Variants in PYHIN1 observed in about 807,000 individuals in gnomAD.
PYHIN1 encodes pyrin and HIN domain-containing protein 1.
PYHIN1 carries 32 observed loss-of-function variants against 43.7 expected under a neutral mutation model. The ratio of observed to expected loss-of-function variants is 0.73; its 90% confidence interval spans 0.55 to 0.98. The LOEUF (loss-of-function observed/expected upper bound fraction) is 0.98. PYHIN1 is among the 50% of genes least tolerant of loss of function. The probability of loss-of-function intolerance (pLI) is 0.00; values close to 1 mark genes in which losing one functional copy is unlikely to be tolerated. For synonymous variants in PYHIN1, 205 were observed against 203.1 expected, an observed-to-expected ratio of 1.01 and a Z score of -0.08; for missense variants, 588 against 589.5, an observed-to-expected ratio of 1.00 and a Z score of 0.03.
downstream of PYHIN1, among the ~76,000 whole-genome samples, chr1:158,979,120 C>A (rs564687819): frequency 3.3e-5 from 5 of 152,274 alleles, no homozygotes; most frequent in Non-Finnish European, 5.9e-5. Flanking sequence ...TTCTCTAAAA[C>A]CACATAGTGA....
intron 7 of PYHIN1, among the ~76,000 whole-genome samples, chr1:158,970,223 A>T (rs1430750289): frequency 6.6e-6 from 1 of 152,036 alleles, no homozygotes; most frequent in Non-Finnish European, 1.5e-5. Context: ...ATTCAACCAA[A>T]GCTAAGATCT....
At chr1:158,986,022 TA>T in the PYHIN1 span, among the ~76,000 whole-genome samples, 8 of 152,312 alleles carry the variant, frequency 5.3e-5, no homozygotes, top group African/African-American at 1.7e-4. Flanking sequence ...GGTTCTTTCT[TA>T]AAATGGCTAT....
At chr1:158,944,013 A>T (rs1428531199) in intron 6 of PYHIN1, 35 bp downstream of exon 6, 1 of 1,523,312 alleles carries the variant, frequency 6.6e-7, no homozygotes, top group Non-Finnish European at 8.9e-7. Flanking sequence ...AGTTTTCCAA[A>T]GATGAAAATC....
chr1:158,966,303 A>T (rs946030203), intron 7 of PYHIN1, among the ~76,000 whole-genome samples: 4 of 152,176 alleles, frequency 2.6e-5, no homozygotes, highest in African/African-American at 9.6e-5. Context: ...ATGCATAAAG[A>T]TGAGCTGGTA....
chr1:158,973,541 A>T, intron 7 of PYHIN1, 106 bp from the exon 8 acceptor site: 2 of 1,145,898 alleles, frequency 1.7e-6, no homozygotes, highest in Non-Finnish European at 2.6e-6. Flanking sequence ...ACACACATAT[A>T]CACACATGTA....
intron 1 of PYHIN1, among the ~76,000 whole-genome samples, 161 bp downstream of exon 1, chr1:158,931,937 T>G (rs988701513): frequency 5.9e-5 from 9 of 152,180 alleles, no homozygotes; most frequent in African/African-American, 2.2e-4. Context: ...CAGTTAATAC[T>G]TCCAATTCTT....
At chr1:158,958,050 A>T (rs1256632327) in intron 7 of PYHIN1, among the ~76,000 whole-genome samples, 1 of 152,240 alleles carries the variant, frequency 6.6e-6, no homozygotes, top group Admixed American at 6.5e-5. Context: ...TCTAAACCAC[A>T]ATGAGATACC....
At chr1:158,941,855 C>A in intron 4 of PYHIN1, 122 bp from the exon 5 acceptor site, 1 of 829,322 alleles carries the variant, frequency 1.2e-6, no homozygotes, top group Non-Finnish European at 1.8e-6. Context: ...TGTATCCTGG[C>A]CCCAGCTCTA....
the PYHIN1 span, among the ~76,000 whole-genome samples, chr1:158,983,587 T>G: frequency 6.6e-6 from 1 of 152,146 alleles, no homozygotes; most frequent in African/African-American, 2.4e-5. Flanking sequence ...TCAGGCATAT[T>G]GTCCTGAATT....
chr1:158,982,869 T>G, the PYHIN1 span, among the ~76,000 whole-genome samples: 1 of 152,132 alleles, frequency 6.6e-6, no homozygotes, highest in East Asian at 1.9e-4. Flanking sequence ...CCAGGTTAGC[T>G]GTATTCCTAT....
chr1:158,941,139 C>T (rs1255044736), intron 4 of PYHIN1, among the ~76,000 whole-genome samples: 1 of 152,160 alleles, frequency 6.6e-6, no homozygotes, highest in Non-Finnish European at 1.5e-5. Context: ...TATGGTATTC[C>T]AGATCAGACC....
intron 7 of PYHIN1, among the ~76,000 whole-genome samples, chr1:158,947,666 A>C (rs1000438624): frequency 6.6e-6 from 1 of 152,232 alleles, no homozygotes; most frequent in Non-Finnish European, 1.5e-5. Flanking sequence ...ACAGACACCA[A>C]AGAAGGTGCT....
intron 7 of PYHIN1, among the ~76,000 whole-genome samples, chr1:158,958,421 C>T (rs552737199): frequency 2.1e-5 from 3 of 144,372 alleles, no homozygotes; most frequent in Non-Finnish European, 4.5e-5. Context: ...GAATACTATG[C>T]AGCCATAAAA....
intron 7 of PYHIN1, among the ~76,000 whole-genome samples, chr1:158,947,836 G>C (rs1236346053): frequency 1.3e-5 from 2 of 152,222 alleles, no homozygotes; most frequent in Non-Finnish European, 2.9e-5. Flanking sequence ...TTGATCAAAG[G>C]TTGGTCTTAA....
Position 158,939,175 on chromosome 1 carries a change from G to A in PYHIN1, c.507G>A (p.Thr169=), listed in dbSNP as rs540244117. The A allele has an allele frequency of 3.3e-5, 53 of 1,613,896 alleles. No homozygotes were observed. Among genetic ancestry groups the A allele is most frequent in the African/African-American group, 2.8e-4 (21 of 74,996 alleles). Residue 169 remains threonine, a synonymous_variant, in exon 4 of 9, where the codon ACG becomes ACA. Transcript: ENST00000368140. The part of the protein sequence containing the change: ...TRPSCSAGAS[T]STAMGRSPPP... ...CTTCCTGCTCTGCAGGAGCCAGCAC[G>A]TCCACAGCCATGGGCCGTTCCCCAC...
chr1:158,958,013 C>T (rs1650063839), intron 7 of PYHIN1, among the ~76,000 whole-genome samples: 1 of 152,212 alleles, frequency 6.6e-6, no homozygotes. Flanking sequence ...AAATGCTCAT[C>T]ATCACTGGCC....
intron 7 of PYHIN1, among the ~76,000 whole-genome samples, chr1:158,958,320 G>A (rs1102012): frequency 0.79 from 104,284 of 131,862 alleles, 42,130 homozygotes; most frequent in East Asian, 0.98. Flanking sequence ...TGTTTATTGC[G>A]GCATTATTCA....
chr1:158,973,537 A>C, intron 7 of PYHIN1, 110 bp from the exon 8 acceptor site: 1 of 1,067,570 alleles, frequency 9.4e-7, no homozygotes, highest in South Asian at 1.4e-5. Flanking sequence ...ACACACACAC[A>C]TATACACACA....
chr1:158,954,351 G>C (rs1383287138), intron 7 of PYHIN1, among the ~76,000 whole-genome samples: 1 of 48,290 alleles, frequency 2.1e-5, no homozygotes, highest in Non-Finnish European at 4.3e-5. Flanking sequence ...CAGCCAGAGA[G>C]AAAGGTCGGG....
Sources: gnomAD v4.1 joint callset for allele counts (sites outside exome capture counted in the v4.1 genomes callset) on GRCh38, gnomAD v4.1.1 for gene constraint, MANE v1.5 for transcripts, NCBI Gene and HGNC (gene_info 2026-07-23, HGNC 2026-07-21) for gene names.